Variants in PTPRO observed in about 807,000 individuals in gnomAD.
The protein encoded by PTPRO is protein tyrosine phosphatase receptor type O, also known as receptor-type tyrosine-protein phosphatase O.
In PTPRO, 62 loss-of-function variants were observed where a neutral mutation model predicts 145.2. That is an observed-to-expected ratio of 0.43 (90% CI 0.35 to 0.53). The LOEUF is 0.53. Among genes scored for constraint, PTPRO ranks in the 20% least tolerant of loss-of-function variants. PTPRO has a pLI of 0.01. For synonymous variants in PTPRO, 565 were observed against 514.7 expected (o/e 1.10, Z -1.32); for missense variants, 1,345 against 1,482.7 (o/e 0.91, Z 1.53).
intron 1 of PTPRO, among the ~76,000 whole-genome samples, chr12:15,368,220 C>A (rs1031687794): frequency 2.0e-5 from 3 of 152,140 alleles, no homozygotes; most frequent in Non-Finnish European, 4.4e-5. Flanking sequence ...CATGGCTTTG[C>A]CCTGGCTCTT....
intron 4 of PTPRO, among the ~76,000 whole-genome samples, chr12:15,500,403 A>C (rs80061325): frequency 6.6e-6 from 1 of 152,164 alleles, no homozygotes; most frequent in Non-Finnish European, 1.5e-5. Context: ...TATGTTTTTC[A>C]TTATTCAATG....
At position 15,364,140 on chromosome 12, in the gene PTPRO, G is replaced by C. The variant is rs79961715; in HGVS notation, c.75+41339G>C. 3.4e-3 allele frequency among the ~76,000 whole-genome samples: 521 copies of C among 152,262 alleles called. 1 individual carries two copies. The highest frequency in any genetic ancestry group is 5.7e-3 in the Non-Finnish European group (386 of 68,010). On this transcript the variant is annotated intron_variant, in intron 1 of 26. Coordinates refer to ENST00000281171, the MANE Select transcript of PTPRO (RefSeq NM_030667.3). ...TATGTAAAAATCACAGAGGGTCTAG[G>C]AATATGATGTATAAAATATTTTGAG...
At chr12:15,468,995 G>A (rs1339364253) in intron 1 of PTPRO, among the ~76,000 whole-genome samples, 1 of 152,240 alleles carries the variant, frequency 6.6e-6, no homozygotes, top group African/African-American at 2.4e-5. Context: ...TTAAAGGGCA[G>A]TGCTTACAAA....
chr12:15,463,572 T>G (rs1287361099), intron 1 of PTPRO, among the ~76,000 whole-genome samples: 2 of 152,214 alleles, frequency 1.3e-5, no homozygotes, highest in African/African-American at 4.8e-5. Flanking sequence ...GTAGGAGTTA[T>G]AACCAGAAAA....
At chr12:15,353,551 C>A (rs941100661) in intron 1 of PTPRO, among the ~76,000 whole-genome samples, 14 of 152,188 alleles carry the variant, frequency 9.2e-5, no homozygotes, top group Non-Finnish European at 1.5e-4. Flanking sequence ...CACTGATATT[C>A]TCACAATATT....
intron 1 of PTPRO, among the ~76,000 whole-genome samples, chr12:15,435,807 T>C (rs1182115547): frequency 6.6e-6 from 1 of 152,208 alleles, no homozygotes; most frequent in Non-Finnish European, 1.5e-5. Context: ...TACTAACACA[T>C]ACTCCTCCAA....
intron 1 of PTPRO, among the ~76,000 whole-genome samples, chr12:15,362,344 C>G (rs1428937386): frequency 6.6e-6 from 1 of 152,152 alleles, no homozygotes; most frequent in Non-Finnish European, 1.5e-5. Flanking sequence ...GCGTGTTATT[C>G]CTGGCCAAAT....
rs1296083659 is a variant in PTPRO at position 15,524,969 on chromosome 12, T to C, written c.2043+4T>C. 5.6e-6 allele frequency: 9 copies of C among 1,613,734 alleles called. No individual in the cohort carries two copies. Among genetic ancestry groups the C allele is most frequent in the Non-Finnish European group, 7.6e-6 (9 of 1,179,844 alleles). ...AAAAAAGAAAATTAAAAAGAGTGTATGTTTCTTTGAATGCCAGCATTGTGT... is the reference window on the plus strand; with the variant it reads ...AAAAAAGAAAATTAAAAAGAGTGTACGTTTCTTTGAATGCCAGCATTGTGT... On this transcript the variant is annotated splice_donor_region_variant and intron_variant, in intron 11 of 26. Coordinates refer to ENST00000281171, the MANE Select transcript of PTPRO (RefSeq NM_030667.3).
At chr12:15,490,782 G>A (rs1368708686) in intron 2 of PTPRO, among the ~76,000 whole-genome samples, 1 of 152,206 alleles carries the variant, frequency 6.6e-6, no homozygotes, top group Non-Finnish European at 1.5e-5. Context: ...CAAGGTGTCA[G>A]AAGTGAAGGA....
rs570115126 is a variant in PTPRO, at chr12:15,462,394, G to C, written c.76-21580G>C. Among the ~76,000 whole-genome samples the C allele has an allele frequency of 3.3e-5, 5 of 152,300 alleles. No individual in the cohort carries two copies. The East Asian group carries it at 9.6e-4, about 29-fold the overall frequency. ...ACCCGCCTCGGCCTCCCAAAGTGCTGGGATTGTAGGTGTGAGCCACCACAC... is the reference window on the plus strand; with the variant it reads ...ACCCGCCTCGGCCTCCCAAAGTGCTCGGATTGTAGGTGTGAGCCACCACAC... On this transcript the variant is annotated intron_variant, in intron 1 of 26. Coordinates refer to ENST00000281171, the MANE Select transcript of PTPRO (RefSeq NM_030667.3).
At chr12:15,354,441 C>G (rs925231787) in intron 1 of PTPRO, among the ~76,000 whole-genome samples, 13 of 152,180 alleles carry the variant, frequency 8.5e-5, no homozygotes, top group African/African-American at 2.9e-4. Flanking sequence ...TATTTATACA[C>G]ATTATAATAA....
chr12:15,409,122 A>G (rs1186407106), intron 1 of PTPRO, among the ~76,000 whole-genome samples: 1 of 152,166 alleles, frequency 6.6e-6, no homozygotes, highest in East Asian at 1.9e-4. Context: ...CAGATGATCT[A>G]AGTTAAAACT....
chr12:15,546,634 G>C lies in PTPRO; in HGVS notation c.2230G>C (p.Val744Leu), dbSNP rs1410858494. The change falls in exon 13 of 27, where the codon GTG becomes CTG. Residue 744 changes from valine to leucine, a missense_variant. Physicochemically the swap from Val to Leu is conservative, Grantham distance 32. This residue lies in a region of PTPRO where 1,130 missense variants were observed against 1,214.7 expected (regional missense o/e 0.93). Transcript: ENST00000281171. ...CCAGACTTCAGTGACTTTGCTGTGG[G>C]TGGAAGAGGGAGTAGCTGATTTCTT... The part of the protein sequence containing the change: ...KTQTSVTLLW[V>L]EEGVADFFEV... 1.2e-6 allele frequency: 2 copies of C among 1,613,822 alleles called. No homozygotes were observed. Among genetic ancestry groups the C allele is most frequent in the South Asian group, 2.2e-5 (2 of 91,080 alleles).
At chr12:15,570,502 T>C (rs1045479173) in intron 19 of PTPRO, among the ~76,000 whole-genome samples, 4 of 152,176 alleles carry the variant, frequency 2.6e-5, no homozygotes, top group Admixed American at 2.6e-4. Context: ...AGAAGAATCT[T>C]ATACATTACC....
In PTPRO at chr12:15,569,442, G is replaced by A; in HGVS notation, c.2773G>A (p.Ala925Thr). 6.2e-7 allele frequency: 1 copy of A among 1,613,686 alleles called. No homozygotes were observed. The highest frequency in any genetic ancestry group is 8.5e-7 in the Non-Finnish European group (1 of 1,179,680). ...TNPVQLDDFDAYIKDMAKDSD... is the reference protein window; with the variant it reads ...TNPVQLDDFDTYIKDMAKDSD... ...CCCGGTTCAACTGGATGACTTTGAT[G>A]CCTATATTAAGGATATGGCCAAAGA... Residue 925 changes from alanine (A) to threonine (T), a missense_variant, in exon 19 of 27, where the codon GCC becomes ACC. Coordinates refer to ENST00000281171, the MANE Select transcript of PTPRO (RefSeq NM_030667.3).
intron 23 of PTPRO, among the ~76,000 whole-genome samples, chr12:15,586,123 A>G (rs1431732654): frequency 6.6e-6 from 1 of 152,212 alleles, no homozygotes; most frequent in African/African-American, 2.4e-5. Context: ...CCATTTTTAG[A>G]TATGAGAAAA....
intron 1 of PTPRO, among the ~76,000 whole-genome samples, chr12:15,446,437 A>G (rs1940904097): frequency 6.6e-6 from 1 of 152,118 alleles, no homozygotes; most frequent in Non-Finnish European, 1.5e-5. Flanking sequence ...CAGCAACTAA[A>G]ATAATGGGAG....
chr12:15,565,714 G>A (rs1027260315), intron 18 of PTPRO, 86 bp downstream of exon 18: 2 of 1,017,616 alleles, frequency 2.0e-6, no homozygotes, highest in Non-Finnish European at 1.5e-6. Flanking sequence ...TCTTCAAAGA[G>A]AAGGGACGCT....
chr12:15,352,452 C>G (rs1204357808), intron 1 of PTPRO, among the ~76,000 whole-genome samples: 1 of 151,894 alleles, frequency 6.6e-6, no homozygotes, highest in African/African-American at 2.4e-5. Context: ...AGATCTAGAC[C>G]ATCTTGGCTA....
Sources: gnomAD v4.1 joint callset for allele counts (sites outside exome capture counted in the v4.1 genomes callset) on GRCh38, gnomAD v4.1.1 for gene constraint, gnomAD v4.1.1 regional missense constraint, MANE v1.5 for transcripts, NCBI Gene and HGNC (gene_info 2026-07-23, HGNC 2026-07-21) for gene names.